The following SIMC1 variants were observed in gnomAD, a reference collection of about 807,000 sequenced individuals.
SIMC1 encodes the protein SUMO interacting motifs containing 1, also known as SUMO-interacting motif-containing protein 1.
In SIMC1, 55 loss-of-function variants were observed where a neutral mutation model predicts 82.3. The ratio of observed to expected loss-of-function variants is 0.67; its 90% confidence interval spans 0.54 to 0.84. The LOEUF (loss-of-function observed/expected upper bound fraction) is 0.84, where lower values mean the gene tolerates loss of function less well. Ranked by LOEUF, SIMC1 falls within the 40% of genes least tolerant of loss-of-function variation. The probability of loss-of-function intolerance (pLI) is 0.00; values close to 1 mark genes in which losing one functional copy is unlikely to be tolerated. For missense variants in SIMC1, 915 were observed against 1,107.2 expected (o/e 0.83, Z 2.46); for synonymous variants, 353 against 426.3 (o/e 0.83, Z 2.12).
intron 1 of SIMC1, chr5:176,270,662 T>G (rs1442666535): frequency 6.6e-6 from 1 of 152,196 alleles, no homozygotes; most frequent in Non-Finnish European, 1.5e-5. Flanking sequence ...ATCTGTGTGC[T>G]TGGGGAAGGG....
At chr5:176,264,198 A>T (rs1762113307) in intron 1 of SIMC1, among the ~76,000 whole-genome samples, 1 of 152,224 alleles carries the variant, frequency 6.6e-6, no homozygotes, top group South Asian at 2.1e-4. Context: ...CTGAAAATAC[A>T]ACCTGCTGGT....
At chr5:176,312,478 G>C (rs1187262940) in intron 4 of SIMC1, among the ~76,000 whole-genome samples, 4 of 134,144 alleles carry the variant, frequency 3.0e-5, no homozygotes, top group Non-Finnish European at 6.1e-5. Context: ...AGAGGTTACA[G>C]TGAGCCAAGA....
At chr5:176,305,513 C>T (rs1764295364) in intron 4 of SIMC1, among the ~76,000 whole-genome samples, 1 of 131,562 alleles carries the variant, frequency 7.6e-6, no homozygotes, top group Non-Finnish European at 1.7e-5. Context: ...GGCCAGCCAC[C>T]CCGTCTGGGA....
At chr5:176,293,929 C>T (rs1015956046) in intron 2 of SIMC1, among the ~76,000 whole-genome samples, 9 of 152,042 alleles carry the variant, frequency 5.9e-5, no homozygotes, top group Admixed American at 5.9e-4. Context: ...TAGAAAATCA[C>T]TTTTCACATA....
intron 4 of SIMC1, chr5:176,308,257 G>A: frequency 1.9e-6 from 3 of 1,539,338 alleles, no homozygotes; most frequent in African/African-American, 1.4e-5. Context: ...TTGCTGAAAA[G>A]GTTGATGCCA....
intron 3 of SIMC1, 138 bp from the exon 4 acceptor site, chr5:176,296,113 G>A: frequency 2.8e-6 from 4 of 1,443,766 alleles, no homozygotes; most frequent in Non-Finnish European, 3.8e-6. Context: ...GATTGACATG[G>A]TATGATACCA....
At chr5:176,253,733 A>G (rs1761765322) in intron 1 of SIMC1, among the ~76,000 whole-genome samples, 1 of 152,220 alleles carries the variant, frequency 6.6e-6, no homozygotes, top group African/African-American at 2.4e-5. Flanking sequence ...GGTGTTTCCT[A>G]TCACCTCAAA....
intron 5 of SIMC1, among the ~76,000 whole-genome samples, chr5:176,316,281 A>T (rs1176464142): frequency 6.6e-6 from 1 of 152,154 alleles, no homozygotes; most frequent in African/African-American, 2.4e-5. Context: ...AGTGAGTGGG[A>T]TACCCAAGGC....
intron 4 of SIMC1, among the ~76,000 whole-genome samples, chr5:176,299,843 G>A (rs1193944674): frequency 5.9e-5 from 9 of 152,270 alleles, no homozygotes; most frequent in Middle Eastern, 6.8e-3. Context: ...TCAAGTGTAC[G>A]TGGAATTTTC....
Position 176,277,829 on chromosome 5 carries a change from C to A in SIMC1, c.130-11825C>A, listed in dbSNP as rs541368977. On this transcript the variant is annotated intron_variant, in intron 1 of 9. Coordinates refer to ENST00000429602, the MANE Select transcript of SIMC1 (RefSeq NM_001308195.2). The stretch of plus-strand genomic sequence containing the variant: ...CTATATCTCTGTTTTGGTACCAGTA[C>A]CATGCTGTTTTGGTGACTGTAGCCT... 5.2e-4 allele frequency among the ~76,000 whole-genome samples: 79 copies of A among 151,710 alleles called. 1 individual carries two copies. The highest frequency in any genetic ancestry group is 1.9e-3 in the African/African-American group (79 of 41,184).
intron 1 of SIMC1, chr5:176,263,448 T>G: frequency 6.5e-7 from 1 of 1,547,596 alleles, no homozygotes. Flanking sequence ...CAGCATCTGC[T>G]TCTGGTGAGG....
intron 1 of SIMC1, among the ~76,000 whole-genome samples, chr5:176,246,284 A>G (rs1761438703): frequency 6.6e-6 from 1 of 152,122 alleles, no homozygotes; most frequent in Non-Finnish European, 1.5e-5. Context: ...TGTTGGGATT[A>G]CAGGCATGAG....
intron 1 of SIMC1, among the ~76,000 whole-genome samples, chr5:176,288,975 C>A (rs567442922): frequency 6.6e-6 from 1 of 152,254 alleles, no homozygotes; most frequent in South Asian, 2.1e-4. Context: ...TTACTTAGGG[C>A]TCAGACTTAC....
Position 176,290,608 on chromosome 5 carries a change from G to A in SIMC1, c.1084G>A (p.Asp362Asn), listed in dbSNP as rs781651501. 4.0e-5 allele frequency: 65 copies of A among 1,613,884 alleles called. No homozygotes were observed. The highest frequency in any genetic ancestry group is 1.6e-4 in the Middle Eastern group (1 of 6,084). ...AGGGGACGTGACACACTCACCTAGAGACATCCCTCACTTACCAGGAGACAG... is the reference window on the plus strand; with the variant it reads ...AGGGGACGTGACACACTCACCTAGAAACATCCCTCACTTACCAGGAGACAG... The part of the protein sequence containing the change: ...SSGDVTHSPR[D>N]IPHLPGDRPD... The change falls in exon 2 of 10, where the codon GAC becomes AAC. Residue 362 changes from aspartate to asparagine, a missense_variant. By Grantham distance (23) the Asp-to-Asn change is conservative. Coordinates refer to ENST00000429602, the MANE Select transcript of SIMC1 (RefSeq NM_001308195.2).
At position 176,276,342 on chromosome 5, in the gene SIMC1, G is replaced by A. The variant is rs533079092; in HGVS notation, c.130-13312G>A. 1.3e-4 allele frequency among the ~76,000 whole-genome samples: 20 copies of A among 151,208 alleles called. 1 individual carries two copies. In the South Asian group the frequency reaches 2.7e-3, roughly 20 times the overall value. ...TCTCCCCTTTATCATTTTTTATTGC[G>A]ACTGTTTGATTCTTCTCTCTTTTTT... On this transcript the variant is annotated intron_variant, in intron 1 of 9. Transcript: ENST00000429602.
intron 1 of SIMC1, among the ~76,000 whole-genome samples, chr5:176,276,812 G>A (rs527241950): frequency 7.0e-6 from 1 of 142,780 alleles, no homozygotes; most frequent in East Asian, 2.0e-4. Flanking sequence ...ATTCCATGGT[G>A]TATATGTGCC....
chr5:176,284,926 C>A lies in SIMC1; in HGVS notation c.130-4728C>A, dbSNP rs569059000. 5.9e-4 allele frequency among the ~76,000 whole-genome samples: 90 copies of A among 152,224 alleles called. 2 individuals are homozygous for A. The highest frequency in any genetic ancestry group is 2.0e-3 in the African/African-American group (84 of 41,526). On this transcript the variant is annotated intron_variant, in intron 1 of 9. Transcript: ENST00000429602. ...GAAGAAGTTGAATCCCTGAATAGACCAATAACAGGCTCTGAAATTGAGGCA... is the reference window on the plus strand; with the variant it reads ...GAAGAAGTTGAATCCCTGAATAGACAAATAACAGGCTCTGAAATTGAGGCA...
At chr5:176,342,597 G>C (rs973051174) in intron 9 of SIMC1, among the ~76,000 whole-genome samples, 4 of 152,154 alleles carry the variant, frequency 2.6e-5, no homozygotes, top group Admixed American at 2.6e-4. Flanking sequence ...ACGGCAGAAG[G>C]CTTCCTACCC....
chr5:176,342,645 A>G (rs1766200292), intron 9 of SIMC1, among the ~76,000 whole-genome samples: 1 of 152,076 alleles, frequency 6.6e-6, no homozygotes, highest in South Asian at 2.1e-4. Context: ...GCTTTTCCTC[A>G]GGACATTTGC....
Sources: allele counts gnomAD v4.1 joint callset (sites outside exome capture counted in the v4.1 genomes callset), GRCh38; gene constraint gnomAD v4.1.1; transcripts MANE v1.5; gene names NCBI Gene and HGNC (gene_info 2026-07-23, HGNC 2026-07-21).